CD160: variants seen among roughly 807,000 people sequenced by gnomAD.
The protein encoded by CD160 is CD160 molecule, also known as CD160 antigen.
A neutral mutation model predicts 19.2 loss-of-function variants in CD160; 11 were observed. That is an observed-to-expected ratio of 0.57 (90% CI 0.36 to 0.95). The LOEUF (loss-of-function observed/expected upper bound fraction) is 0.95, where lower values mean the gene tolerates loss of function less well. CD160 is among the 40% of genes least tolerant of loss of function. The probability of loss-of-function intolerance (pLI) is 0.01; values close to 1 mark genes in which losing one functional copy is unlikely to be tolerated. For synonymous variants in CD160, 75 were observed against 81.1 expected, an observed-to-expected ratio of 0.93 and a Z score of 0.40; for missense variants, 182 against 213.2, an observed-to-expected ratio of 0.85 and a Z score of 0.91.
At chr1:145,721,755 C>T (rs1656858992) in intron 1 of CD160, among the ~76,000 whole-genome samples, 1 of 152,152 alleles carries the variant, frequency 6.6e-6, no homozygotes, top group South Asian at 2.1e-4. Context: ...AATTCACCCA[C>T]CGTATTCTTT....
chr1:145,738,447 CTAAGTTA>C, intron 5 of CD160, 32 bp from the exon 6 acceptor site: 2 of 1,305,816 alleles, frequency 1.5e-6, no homozygotes, highest in Non-Finnish European at 2.0e-6. Flanking sequence ...TGTTGCTATT[CTAAGTTA>C]TAAGGCAGTA....
Position 145,732,126 on chromosome 1 carries a change from T to C in CD160, c.400+1056T>C, listed in dbSNP as rs1553709488. On this transcript the variant is annotated intron_variant, in intron 4 of 5. Coordinates refer to ENST00000369288, the MANE Select transcript of CD160 (RefSeq NM_007053.4). ...TTGTGCCCAACAGAAAGTGTCTCTC[T>C]GTGTAACTATATTCCTAGACAATAG... 2.0e-5 allele frequency among the ~76,000 whole-genome samples: 3 copies of C among 152,180 alleles called. No homozygotes were observed. In the South Asian group the frequency reaches 6.2e-4, roughly 31 times the overall value.
At chr1:145,722,075 C>CTTTT (rs1656872585) in intron 1 of CD160, among the ~76,000 whole-genome samples, 1 of 152,142 alleles carries the variant, frequency 6.6e-6, no homozygotes, top group South Asian at 2.1e-4. Flanking sequence ...ATGCTTCGTA[C>CTTTT]AAATAATAAA....
At chr1:145,723,245 G>T (rs1170538378) in intron 1 of CD160, among the ~76,000 whole-genome samples, 2 of 152,024 alleles carry the variant, frequency 1.3e-5, no homozygotes, top group Non-Finnish European at 2.9e-5. Flanking sequence ...TTTAACAATC[G>T]TCTCTACTTA....
At chr1:145,731,216 T>C in intron 4 of CD160, 146 bp downstream of exon 4, 1 of 694,800 alleles carries the variant, frequency 1.4e-6, no homozygotes. Flanking sequence ...AGATGCTGCC[T>C]TTCTTCAAAG....
chr1:145,725,988 G>C (rs1456094024), intron 2 of CD160, among the ~76,000 whole-genome samples: 1 of 151,910 alleles, frequency 6.6e-6, no homozygotes, highest in Admixed American at 6.6e-5. Context: ...AAAACAAATA[G>C]CCTTTCATAT....
At chr1:145,728,169 C>G (rs1657127209) in intron 2 of CD160, 87 bp from the exon 3 acceptor site, 1 of 619,270 alleles carries the variant, frequency 1.6e-6, no homozygotes. Flanking sequence ...CCATCATACT[C>G]TAGCCAATCA....
intron 3 of CD160, 22 bp from the exon 4 acceptor site, chr1:145,730,722 A>C: frequency 6.3e-7 from 1 of 1,596,826 alleles, no homozygotes; most frequent in Non-Finnish European, 8.5e-7. Flanking sequence ...ACCTCTGGGT[A>C]ATTCTTCCCT....
chr1:145,731,055 T>C lies in CD160; in HGVS notation c.385T>C (p.Ser129Pro), dbSNP rs781996442. The C allele has an allele frequency of 1.9e-6, 3 of 1,613,600 alleles. No homozygotes were observed. The African/African-American group carries it at 4.0e-5, about 22-fold the overall frequency. Reference sequence around the variant, plus strand: ...TATCCGCCTTCAGGGCCATTTTTTCTCCATTCTATTCACAGGTGAGTGCTC... The same window carrying C: ...TATCCGCCTTCAGGGCCATTTTTTCCCCATTCTATTCACAGGTGAGTGCTC... ...SGIRLQGHFF[S>P]ILFTETGNYT... Residue 129 changes from serine (S) to proline (P), a missense_variant, in exon 4 of 6, where the codon TCC (serine) becomes CCC (proline). By Grantham distance (74) the Ser-to-Pro change is moderately conservative. Coordinates refer to ENST00000369288, the MANE Select transcript of CD160 (RefSeq NM_007053.4).
intron 3 of CD160, 100 bp downstream of exon 3, chr1:145,728,500 T>TA: frequency 7.3e-6 from 3 of 410,732 alleles, no homozygotes; most frequent in Non-Finnish European, 4.1e-6. Flanking sequence ...AACAAAGGAC[T>TA]CTTTTTTTTT....
At chr1:145,721,975 G>A (rs1656868635) in intron 1 of CD160, among the ~76,000 whole-genome samples, 1 of 152,212 alleles carries the variant, frequency 6.6e-6, no homozygotes. Context: ...GACTCCAAGA[G>A]AAAGACTCTC....
At chr1:145,732,024 C>T (rs1289418207) in intron 4 of CD160, among the ~76,000 whole-genome samples, 3 of 152,174 alleles carry the variant, frequency 2.0e-5, no homozygotes, top group Non-Finnish European at 2.9e-5. Flanking sequence ...GCATGCTCCC[C>T]CTGCTCCATT....
intron 5 of CD160, chr1:145,737,275 GTTAA>G (rs1236955183): frequency 4.0e-5 from 6 of 149,948 alleles, no homozygotes; most frequent in African/African-American, 1.2e-4. Flanking sequence ...AAAAAAAAGA[GTTAA>G]TTGTTGCCCG....
In CD160 at chr1:145,735,064, G is replaced by A. The variant is rs139671022; in HGVS notation, c.401-933G>A. ...AGAGGTTGCAGTGAGCCGAGATTGC[G>A]CCACTGCACTCGAGCCTGGGCGACA... On this transcript the variant is annotated intron_variant, in intron 4 of 5. Transcript: ENST00000369288. Among the ~76,000 whole-genome samples the A allele has an allele frequency of 6.8e-3, 1,034 of 152,134 alleles. 6 individuals are homozygous for A. Among genetic ancestry groups the A allele is most frequent in the East Asian group, 0.054 (281 of 5,168 alleles).
chr1:145,726,068 T>TACA lies in CD160; in HGVS notation c.-73+1165_-73+1167dup, dbSNP rs587647190. On this transcript the variant is annotated intron_variant, in intron 2 of 5. Coordinates refer to ENST00000369288, the MANE Select transcript of CD160 (RefSeq NM_007053.4). ...GAGACTGAAAAAATAAGTTAAAAGA[T>TACA]ACAACGAGTGGAAACAACAGATGCT... is the stretch of plus-strand genomic sequence containing the variant. 3.3e-5 allele frequency among the ~76,000 whole-genome samples: 5 copies of TACA among 152,182 alleles called. No individual in the cohort carries two copies. In the South Asian group the frequency reaches 1.0e-3, roughly 32 times the overall value.
intron 4 of CD160, among the ~76,000 whole-genome samples, chr1:145,734,400 ATCAC>A (rs1267937082): frequency 3.3e-5 from 5 of 152,202 alleles, no homozygotes; most frequent in Admixed American, 1.3e-4. Context: ...TACATGCCAC[ATCAC>A]TCAAAGTTTT....
chr1:145,728,363 G>A lies in CD160; in HGVS notation c.36G>A (p.Leu12=). 2.5e-6 allele frequency: 4 copies of A among 1,613,470 alleles called. No homozygotes were observed. Among genetic ancestry groups the A allele is most frequent in the Non-Finnish European group, 3.4e-6 (4 of 1,179,702 alleles). ...AACCCGGCAGAGGCTGCTGTGCCCT[G>A]GCCATCCTGCTGGCAATTGTGGACA... ...LLEPGRGCCA[L]AILLAIVDIQ... The change falls in exon 3 of 6, where the codon CTG becomes CTA. Residue 12 remains leucine, a synonymous_variant. Transcript: ENST00000369288.
At chr1:145,728,482 A>T in intron 3 of CD160, 82 bp downstream of exon 3, 13 of 698,352 alleles carry the variant, frequency 1.9e-5, no homozygotes, top group Non-Finnish European at 3.2e-5. Context: ...GATTTTCTCT[A>T]GTGGGGAAAC....
intron 1 of CD160, among the ~76,000 whole-genome samples, chr1:145,720,248 C>A (rs1656775996): frequency 6.6e-6 from 1 of 152,244 alleles, no homozygotes; most frequent in Non-Finnish European, 1.5e-5. Context: ...TGCTCTACCA[C>A]ACATTCTTCT....
Sources: allele counts gnomAD v4.1 joint callset (sites outside exome capture counted in the v4.1 genomes callset), GRCh38; gene constraint gnomAD v4.1.1; transcripts MANE v1.5; gene names NCBI Gene and HGNC (gene_info 2026-07-23, HGNC 2026-07-21).